NFILZ: variants seen among roughly 807,000 people sequenced by gnomAD.
NFILZ encodes the protein NFIL3 like basic leucine zipper.
chr19:8,677,294 C>T lies in NFILZ; in HGVS notation c.529C>T (p.Pro177Ser), dbSNP rs75454615. The change falls in exon 6 of 6, where the codon CCT becomes TCT. Residue 177 changes from proline to serine, a missense_variant. Pro to Ser is a moderately conservative substitution (Grantham distance 74). Transcript: ENST00000691075. ...SPRSPQESAS[P>S]TLNRIDMALQ... ...TAGGTCCCCCCAAGAGTCTGCATCTCCTACCCTCAACAGAATTGACATGGC... is the reference window on the plus strand; with the variant it reads ...TAGGTCCCCCCAAGAGTCTGCATCTTCTACCCTCAACAGAATTGACATGGC... 0.013 allele frequency among the ~76,000 whole-genome samples: 1,952 copies of T among 152,312 alleles called. 44 individuals are homozygous for T. The highest frequency in any genetic ancestry group is 0.045 in the African/African-American group (1,868 of 41,568).
At position 8,680,195 on chromosome 19, in the gene NFILZ, GAA is replaced by G. The variant is rs782398185; in HGVS notation, c.*2578_*2579del. On this transcript the variant is annotated 3_prime_UTR_variant, in exon 6 of 6. Transcript: ENST00000691075. The stretch of plus-strand genomic sequence containing the variant: ...TGGGCGACAGAGCGAGACTCCATCT[GAA>G]AAAAAAAAAAAAAAAAAGGAAAAAG... 1.7e-3 allele frequency among the ~76,000 whole-genome samples: 99 copies of G among 58,232 alleles called. No homozygotes were observed. The highest frequency in any genetic ancestry group is 7.9e-3 in the Middle Eastern group (1 of 126). 38.2% of individuals were successfully genotyped at this position (58,232 alleles called of 152,430 possible).
chr19:8,663,707 G>GGTGTGT (rs142651427), intron 3 of NFILZ, among the ~76,000 whole-genome samples: 1 of 50,118 alleles, frequency 2.0e-5, no homozygotes, highest in African/African-American at 1.2e-4. Context: ...AACAAGGTGT[G>GGTGTGT]GTGTGTGTGT....
chr19:8,651,919 T>G (rs1467378294), intron 3 of NFILZ, among the ~76,000 whole-genome samples: 2 of 152,156 alleles, frequency 1.3e-5, no homozygotes, highest in African/African-American at 4.8e-5. Flanking sequence ...ATCCTTCAAC[T>G]ATCTACTTTC....
intron 3 of NFILZ, among the ~76,000 whole-genome samples, chr19:8,659,414 G>A (rs2043019617): frequency 1.3e-5 from 2 of 152,130 alleles, no homozygotes; most frequent in Non-Finnish European, 2.9e-5. Flanking sequence ...GAGGGGGATA[G>A]AGGAATTAGG....
chr19:8,653,051 T>C lies in NFILZ; in HGVS notation c.-164+17305T>C, dbSNP rs1282489443. ...TTCTTTCTTTCTTTCTCTCTCTCTC[T>C]CTCTCTCTCTCTCTCTCTCTCTCTC... On this transcript the variant is annotated intron_variant, in intron 3 of 5. Coordinates refer to ENST00000691075, the MANE Select transcript of NFILZ (RefSeq NM_001378600.1). Among the ~76,000 whole-genome samples the C allele has an allele frequency of 8.0e-4, 73 of 91,464 alleles. 2 individuals are homozygous for C. Among genetic ancestry groups the C allele is most frequent in the Middle Eastern group, 5.0e-3 (1 of 200 alleles). 60.0% of individuals were successfully genotyped at this position (91,464 alleles called of 152,430 possible).
intron 3 of NFILZ, among the ~76,000 whole-genome samples, chr19:8,662,227 A>T (rs1444897094): frequency 1.3e-5 from 2 of 151,604 alleles, no homozygotes; most frequent in South Asian, 2.1e-4. Flanking sequence ...AAAGGTGAAA[A>T]AGTAAAGGAG....
intron 3 of NFILZ, among the ~76,000 whole-genome samples, chr19:8,666,640 G>A (rs545647102): frequency 2.4e-4 from 37 of 152,174 alleles, no homozygotes; most frequent in Middle Eastern, 6.8e-3. Flanking sequence ...ATTTCTCTTA[G>A]TTTCACTCAA....
rs1295467982 is a variant in NFILZ at position 8,677,351 on chromosome 19, A to G, written c.586A>G (p.Ser196Gly). Among the ~76,000 whole-genome samples the G allele has an allele frequency of 6.6e-6, 1 of 152,140 alleles. No homozygotes were observed. Among genetic ancestry groups the G allele is most frequent in the Non-Finnish European group, 1.5e-5 (1 of 67,998 alleles). ...LQTALPPALFSCHLLEGHVGS... is the reference protein window; with the variant it reads ...LQTALPPALFGCHLLEGHVGS... ...GACTGCCCTCCCACCTGCCCTCTTC[A>G]GCTGTCACCTCTTGGAGGGGCATGT... is the stretch of plus-strand genomic sequence containing the variant. The change falls in exon 6 of 6, where the codon AGC becomes GGC. Residue 196 changes from serine (S) to glycine (G), a missense_variant. Coordinates refer to ENST00000691075, the MANE Select transcript of NFILZ (RefSeq NM_001378600.1).
intron 3 of NFILZ, among the ~76,000 whole-genome samples, chr19:8,641,645 G>T (rs538535877): frequency 6.6e-6 from 1 of 152,118 alleles, no homozygotes; most frequent in Non-Finnish European, 1.5e-5. Flanking sequence ...CTTCATGACA[G>T]CCCTTGGTGT....
intron 3 of NFILZ, among the ~76,000 whole-genome samples, chr19:8,657,253 C>T (rs1251862593): frequency 2.0e-5 from 3 of 151,498 alleles, no homozygotes; most frequent in South Asian, 4.2e-4. Context: ...GTTACAGGCA[C>T]GCGCCACCAC....
At chr19:8,660,578 TCCC>T (rs2043025287) in intron 3 of NFILZ, among the ~76,000 whole-genome samples, 1 of 108,500 alleles carries the variant, frequency 9.2e-6, no homozygotes, top group Admixed American at 8.9e-5. Flanking sequence ...CTCCCCTCCC[TCCC>T]TCCTTCCTTC....
chr19:8,671,362 A>AGT (rs2043086199), intron 3 of NFILZ, among the ~76,000 whole-genome samples: 2 of 151,734 alleles, frequency 1.3e-5, no homozygotes, highest in Non-Finnish European at 2.9e-5. Flanking sequence ...CAGCAGAACT[A>AGT]TCTGCTGCCC....
At chr19:8,634,864 CACAAACAAACAAACAAACAA>C (rs150599717) in intron 2 of NFILZ, among the ~76,000 whole-genome samples, 9,024 of 150,568 alleles carry the variant, frequency 0.06, 349 homozygotes, top group Middle Eastern at 0.17. Context: ...AAGACCCTAT[CACAAACAAACAAACAAACAA>C]ACAAACAAAC....
intron 3 of NFILZ, among the ~76,000 whole-genome samples, chr19:8,653,906 AG>A (rs2042980387): frequency 6.6e-6 from 1 of 152,092 alleles, no homozygotes; most frequent in Non-Finnish European, 1.5e-5. Context: ...CTAAAATCTC[AG>A]ACTTCACCGC....
At chr19:8,660,954 C>T (rs1181992430) in intron 3 of NFILZ, among the ~76,000 whole-genome samples, 1 of 148,680 alleles carries the variant, frequency 6.7e-6, no homozygotes, top group Non-Finnish European at 1.5e-5. Context: ...TCCTTCCTCC[C>T]TCCCTCCCTC....
At chr19:8,672,121 A>G (rs2043089742) in intron 3 of NFILZ, among the ~76,000 whole-genome samples, 1 of 152,226 alleles carries the variant, frequency 6.6e-6, no homozygotes, top group African/African-American at 2.4e-5. Flanking sequence ...GTTCATTCCA[A>G]AAAGATATTC....
rs1555748211 is a variant in NFILZ at position 8,655,292 on chromosome 19, C to T, written c.-163-19259C>T. On this transcript the variant is annotated intron_variant, in intron 3 of 5. Transcript: ENST00000691075. ...TGCCCCTGGATCTTTCTAGAAGGGC[C>T]TTACGGGGTTGGAATGGGAGACTTT... is the stretch of plus-strand genomic sequence containing the variant. 2.0e-5 allele frequency among the ~76,000 whole-genome samples: 3 copies of T among 152,296 alleles called. No homozygotes were observed. The East Asian group carries it at 5.8e-4, about 29-fold the overall frequency.
Position 8,678,985 on chromosome 19 carries a change from C to T in NFILZ, c.*1350C>T, listed in dbSNP as rs553337253. Reference sequence around the variant, plus strand: ...AGGTAACGTCTAGGGTGTCTGAATCCCCCTTCTTGGTGTCCCCTGGGGGGC... The same window carrying T: ...AGGTAACGTCTAGGGTGTCTGAATCTCCCTTCTTGGTGTCCCCTGGGGGGC... On this transcript the variant is annotated 3_prime_UTR_variant, in exon 6 of 6. Transcript: ENST00000691075. Among the ~76,000 whole-genome samples the T allele has an allele frequency of 5.9e-5, 9 of 152,164 alleles. No homozygotes were observed. In the South Asian group the frequency reaches 6.2e-4, roughly 11 times the overall value.
chr19:8,657,847 T>C (rs2043011954), intron 3 of NFILZ, among the ~76,000 whole-genome samples: 3 of 152,056 alleles, frequency 2.0e-5, no homozygotes, highest in South Asian at 2.1e-4. Context: ...GGGGTGGGAA[T>C]CACTGGCTCA....
Sources: gnomAD v4.1 joint callset for allele counts (sites outside exome capture counted in the v4.1 genomes callset) on GRCh38, gnomAD v4.1.1 for gene constraint, MANE v1.5 for transcripts, NCBI Gene and HGNC (gene_info 2026-07-23, HGNC 2026-07-21) for gene names.